GPC5: variants seen among roughly 807,000 people sequenced by gnomAD.
GPC5 encodes the protein glypican-5.
In GPC5, 47 loss-of-function variants were observed where a neutral mutation model predicts 53.9. The ratio of observed to expected loss-of-function variants is 0.87; its 90% CI spans 0.69 to 1.11. The LOEUF (loss-of-function observed/expected upper bound fraction) is 1.11, where lower values mean the gene tolerates loss of function less well. Ranked by LOEUF, GPC5 falls within the 50% of genes most tolerant of loss-of-function variation. The probability of loss-of-function intolerance (pLI) is 0.00; values close to 1 mark genes in which losing one functional copy is unlikely to be tolerated. For synonymous variants in GPC5, 286 were observed against 263.3 expected, an observed-to-expected ratio of 1.09 and a Z score of -0.84; for missense variants, 748 against 713.1, an observed-to-expected ratio of 1.05 and a Z score of -0.56.
intron 7 of GPC5, among the ~76,000 whole-genome samples, chr13:92,488,072 TGTGAACATATGC>T (rs1879623439): frequency 6.6e-6 from 1 of 152,068 alleles, no homozygotes; most frequent in Non-Finnish European, 1.5e-5. Context: ...TCAATAAAAA[TGTGAACATATGC>T]ATGAACATAC....
intron 7 of GPC5, among the ~76,000 whole-genome samples, chr13:92,840,078 C>CATATATATAT (rs4001881): frequency 1.7e-3 from 172 of 98,896 alleles, no homozygotes; most frequent in South Asian, 3.1e-3. Flanking sequence ...TATATACATA[C>CATATATATAT]ATATATATAT....
chr13:92,587,692 A>T (rs1883581838), intron 7 of GPC5, among the ~76,000 whole-genome samples: 1 of 152,128 alleles, frequency 6.6e-6, no homozygotes, highest in African/African-American at 2.4e-5. Flanking sequence ...GAAAAATAAA[A>T]ATATAGATAC....
intron 7 of GPC5, among the ~76,000 whole-genome samples, chr13:92,218,590 T>C (rs570341609): frequency 2.5e-4 from 38 of 152,184 alleles, no homozygotes; most frequent in Non-Finnish European, 5.0e-4. Flanking sequence ...CACTGTTGAA[T>C]TCCTTTAATC....
intron 7 of GPC5, among the ~76,000 whole-genome samples, chr13:92,858,879 C>T (rs1312753484): frequency 1.3e-5 from 2 of 152,132 alleles, no homozygotes; most frequent in South Asian, 2.1e-4. Context: ...TGAAAGTACT[C>T]ATTTCTTCTA....
At chr13:92,830,811 G>A (rs972930205) in intron 7 of GPC5, among the ~76,000 whole-genome samples, 3 of 152,050 alleles carry the variant, frequency 2.0e-5, no homozygotes, top group Non-Finnish European at 2.9e-5. Flanking sequence ...AGTATCAACC[G>A]CAGATAATTT....
chr13:92,170,590 A>G (rs747145341), intron 7 of GPC5, among the ~76,000 whole-genome samples: 1 of 151,320 alleles, frequency 6.6e-6, no homozygotes, highest in African/African-American at 2.4e-5. Context: ...ACGCCCAGCT[A>G]ATTTTTGTAT....
intron 7 of GPC5, among the ~76,000 whole-genome samples, chr13:92,198,914 C>T (rs2042275488): frequency 6.6e-6 from 1 of 152,012 alleles, no homozygotes; most frequent in African/African-American, 2.4e-5. Context: ...ATTGAGACAC[C>T]ATAGAGATAG....
intron 2 of GPC5, among the ~76,000 whole-genome samples, chr13:91,668,631 T>A (rs1407643231): frequency 1.3e-5 from 2 of 152,090 alleles, no homozygotes. Flanking sequence ...TATTTTTTAA[T>A]CTCTAAAAAA....
intron 6 of GPC5, among the ~76,000 whole-genome samples, chr13:92,098,701 G>A (rs2041440944): frequency 6.6e-6 from 1 of 152,108 alleles, no homozygotes; most frequent in Admixed American, 6.5e-5. Flanking sequence ...CTTTAATATA[G>A]CAACATTAGT....
chr13:91,971,418 C>G (rs916862475), intron 6 of GPC5, among the ~76,000 whole-genome samples: 26 of 152,076 alleles, frequency 1.7e-4, no homozygotes, highest in African/African-American at 5.6e-4. Flanking sequence ...AAAAAACCAG[C>G]TCCTAGATTC....
chr13:91,873,034 A>T (rs1050573411), intron 5 of GPC5, among the ~76,000 whole-genome samples: 1 of 152,232 alleles, frequency 6.6e-6, no homozygotes, highest in Non-Finnish European at 1.5e-5. Context: ...GAATGCATAG[A>T]TGCAGTATTT....
chr13:91,551,270 A>G (rs1347947904), intron 2 of GPC5, among the ~76,000 whole-genome samples: 1 of 152,136 alleles, frequency 6.6e-6, no homozygotes, highest in Non-Finnish European at 1.5e-5. Context: ...AAAAAATCAG[A>G]GTGAAATGGA....
chr13:91,820,099 T>C (rs2038466971), intron 5 of GPC5, among the ~76,000 whole-genome samples: 1 of 152,022 alleles, frequency 6.6e-6, no homozygotes, highest in South Asian at 2.1e-4. Flanking sequence ...TCATTGTCAT[T>C]GTTGGTGGTG....
intron 7 of GPC5, among the ~76,000 whole-genome samples, chr13:92,416,843 G>A (rs1267647334): frequency 6.6e-6 from 1 of 151,920 alleles, no homozygotes; most frequent in Non-Finnish European, 1.5e-5. Context: ...TCATATGTAG[G>A]ACATACAAAG....
intron 7 of GPC5, among the ~76,000 whole-genome samples, chr13:92,273,363 A>G (rs1180389477): frequency 1.3e-5 from 2 of 151,940 alleles, no homozygotes; most frequent in Non-Finnish European, 2.9e-5. Context: ...TAATCTCCAT[A>G]CTCATTAGCT....
At chr13:91,752,963 G>C (rs1017744581) in intron 4 of GPC5, among the ~76,000 whole-genome samples, 2 of 152,170 alleles carry the variant, frequency 1.3e-5, no homozygotes, top group African/African-American at 4.8e-5. Flanking sequence ...CATTCTGTTT[G>C]ATTTCTCTAT....
intron 5 of GPC5, among the ~76,000 whole-genome samples, chr13:91,895,886 C>T (rs1183490010): frequency 6.6e-6 from 1 of 151,984 alleles, no homozygotes; most frequent in African/African-American, 2.4e-5. Flanking sequence ...TCTGTAAAAC[C>T]AAGCTCCCTC....
intron 7 of GPC5, among the ~76,000 whole-genome samples, chr13:92,418,088 T>C (rs1876394899): frequency 6.6e-6 from 1 of 152,194 alleles, no homozygotes; most frequent in Non-Finnish European, 1.5e-5. Flanking sequence ...TATACATTTT[T>C]AGAATTGGTG....
chr13:92,161,996 T>TATATATAA, intron 7 of GPC5, among the ~76,000 whole-genome samples: 2 of 126,202 alleles, frequency 1.6e-5, no homozygotes, highest in South Asian at 2.5e-4. Context: ...TATATATATA[T>TATATATAA]GAAACTAAAT....
Sources: gnomAD v4.1 joint callset for allele counts (sites outside exome capture counted in the v4.1 genomes callset) on GRCh38, gnomAD v4.1.1 for gene constraint, MANE v1.5 for transcripts, NCBI Gene and HGNC (gene_info 2026-07-23, HGNC 2026-07-21) for gene names.